The following CYRIA variants were observed in gnomAD, a reference collection of about 807,000 sequenced individuals.
CYRIA encodes CYFIP-related Rac1 interactor A.
A neutral mutation model predicts 43.9 loss-of-function variants in CYRIA; 15 were observed. That is an observed-to-expected ratio of 0.34 (90% CI 0.23 to 0.53). CYRIA has a LOEUF of 0.53. Ranked by LOEUF, CYRIA falls within the 20% of genes least tolerant of loss-of-function variation. The pLI, the probability that CYRIA is intolerant of heterozygous loss-of-function variation, is 0.94. For synonymous variants in CYRIA, 117 were observed against 136.0 expected, an observed-to-expected ratio of 0.86 and a Z score of 0.97; for missense variants, 236 against 394.2, an observed-to-expected ratio of 0.60 and a Z score of 3.40.
At chr2:16,593,698 GT>G (rs201907701) in intron 2 of CYRIA, among the ~76,000 whole-genome samples, 5,862 of 81,916 alleles carry the variant, frequency 0.072, 554 homozygotes, top group African/African-American at 0.24. Context: ...GTGTGTGTGT[GT>G]TTTTTTTTGT....
intron 3 of CYRIA, among the ~76,000 whole-genome samples, chr2:16,574,063 C>A (rs897233251): frequency 6.6e-6 from 1 of 152,078 alleles, no homozygotes; most frequent in Non-Finnish European, 1.5e-5. Context: ...ATAGCTTTGA[C>A]CAAAATGCTG....
intron 1 of CYRIA, among the ~76,000 whole-genome samples, chr2:16,648,809 A>G (rs1300257340): frequency 1.3e-5 from 2 of 152,194 alleles, no homozygotes; most frequent in African/African-American, 4.8e-5. Flanking sequence ...TGGGTGACAC[A>G]AAATTTCCTC....
chr2:16,559,737 C>T, intron 9 of CYRIA, 151 bp from the exon 10 acceptor site: 1 of 822,048 alleles, frequency 1.2e-6, no homozygotes, highest in Non-Finnish European at 1.8e-6. Context: ...TGAGGAAATC[C>T]ATGATGATAA....
chr2:16,645,938 T>C (rs1030106749), intron 1 of CYRIA, among the ~76,000 whole-genome samples: 1 of 152,228 alleles, frequency 6.6e-6, no homozygotes, highest in African/African-American at 2.4e-5. Context: ...TATGTGCTTA[T>C]ACACGCACAC....
chr2:16,555,281 AC>A (rs921960107), intron 10 of CYRIA, 142 bp from the exon 11 acceptor site: 1 of 748,376 alleles, frequency 1.3e-6, no homozygotes, highest in African/African-American at 1.7e-5. Context: ...AGGTTTTCCT[AC>A]CCCCTCAGGC....
At chr2:16,620,079 T>C (rs1668946168) in intron 2 of CYRIA, among the ~76,000 whole-genome samples, 1 of 152,216 alleles carries the variant, frequency 6.6e-6, no homozygotes, top group Non-Finnish European at 1.5e-5. Flanking sequence ...CTTGAGGTGC[T>C]GACCTTGTCT....
chr2:16,557,326 C>T (rs919296042), intron 10 of CYRIA, among the ~76,000 whole-genome samples: 2 of 152,080 alleles, frequency 1.3e-5, no homozygotes, highest in African/African-American at 4.8e-5. Flanking sequence ...CGAGTTTCTC[C>T]CTCCCCCTAG....
chr2:16,593,995 G>C (rs1668030299), intron 2 of CYRIA, among the ~76,000 whole-genome samples: 1 of 80,982 alleles, frequency 1.2e-5, no homozygotes, highest in South Asian at 5.7e-4. Flanking sequence ...TTTTGTTCTT[G>C]CGATAGTTTA....
Position 16,561,283 on chromosome 2 carries a change from G to T in CYRIA, c.514-6C>A. ...ACTTCATTCTCAATGTCTAGCTGAT[G>T]AAAATAAGAAGAGAAGATGGATTTA... On this transcript the variant is annotated splice_polypyrimidine_tract_variant and splice_region_variant and intron_variant, in intron 7 of 11. Coordinates refer to ENST00000381323, the MANE Select transcript of CYRIA (RefSeq NM_030797.4). The T allele has an allele frequency of 1.3e-6, 2 of 1,592,010 alleles. No individual in the cohort carries two copies. Among genetic ancestry groups the T allele is most frequent in the Non-Finnish European group, 1.7e-6 (2 of 1,160,212 alleles).
intron 2 of CYRIA, among the ~76,000 whole-genome samples, chr2:16,616,857 T>C (rs528579165): frequency 3.9e-4 from 59 of 152,344 alleles, no homozygotes; most frequent in African/African-American, 1.4e-3. Context: ...AGTCTTCTCA[T>C]TTTAGAGATG....
intron 2 of CYRIA, among the ~76,000 whole-genome samples, chr2:16,588,864 A>G (rs1455875691): frequency 2.0e-5 from 3 of 152,130 alleles, no homozygotes; most frequent in Non-Finnish European, 2.9e-5. Context: ...AATGCCCAAA[A>G]AGTTACTCTC....
chr2:16,647,549 C>T (rs1353703164), intron 1 of CYRIA, among the ~76,000 whole-genome samples: 1 of 152,310 alleles, frequency 6.6e-6, no homozygotes, highest in East Asian at 1.9e-4. Flanking sequence ...TGCCAGTTTC[C>T]TTTCTCCTTG....
intron 1 of CYRIA, among the ~76,000 whole-genome samples, chr2:16,648,948 G>A (rs188481825): frequency 8.2e-4 from 125 of 152,084 alleles, no homozygotes; most frequent in African/African-American, 2.1e-3. Context: ...TGTTTAATAA[G>A]CTTACAATGT....
At chr2:16,554,906 G>A (rs1283419646) in intron 11 of CYRIA, among the ~76,000 whole-genome samples, 163 bp downstream of exon 11, 2 of 152,094 alleles carry the variant, frequency 1.3e-5, no homozygotes, top group Admixed American at 6.5e-5. Flanking sequence ...CTTTAAAAAT[G>A]GGAATGATAA....
At chr2:16,559,079 G>T (rs1218510800) in intron 10 of CYRIA, among the ~76,000 whole-genome samples, 1 of 152,104 alleles carries the variant, frequency 6.6e-6, no homozygotes, top group African/African-American at 2.4e-5. Flanking sequence ...TTTGGGATTT[G>T]ACCATAGTGT....
At chr2:16,625,573 G>A (rs931586799) in intron 1 of CYRIA, among the ~76,000 whole-genome samples, 8 of 152,122 alleles carry the variant, frequency 5.3e-5, no homozygotes, top group Non-Finnish European at 8.8e-5. Context: ...GGGCAAAGAC[G>A]TTTACTTCCT....
At chr2:16,638,433 G>A (rs564669343) in intron 1 of CYRIA, among the ~76,000 whole-genome samples, 1 of 152,324 alleles carries the variant, frequency 6.6e-6, no homozygotes, top group Non-Finnish European at 1.5e-5. Flanking sequence ...TGGAGGGGCT[G>A]GGGCCTAATC....
intron 1 of CYRIA, chr2:16,625,847 T>C (rs984343762): frequency 1.3e-5 from 2 of 151,852 alleles, no homozygotes; most frequent in African/African-American, 2.4e-5. Context: ...TTTTTTTTTT[T>C]CTCAAATGTC....
At chr2:16,634,642 C>T (rs2103526250) in intron 1 of CYRIA, among the ~76,000 whole-genome samples, 2 of 149,286 alleles carry the variant, frequency 1.3e-5, no homozygotes, top group Middle Eastern at 6.8e-3. Flanking sequence ...TTCCCCACAG[C>T]ACATCACAGT....
Sources: gnomAD v4.1 joint callset for allele counts (sites outside exome capture counted in the v4.1 genomes callset) on GRCh38, gnomAD v4.1.1 for gene constraint, MANE v1.5 for transcripts, NCBI Gene and HGNC (gene_info 2026-07-23, HGNC 2026-07-21) for gene names.